AGAP1: variants seen among roughly 807,000 people sequenced by gnomAD.
AGAP1 encodes the protein ArfGAP with GTPase domain, ankyrin repeat and PH domain 1.
In AGAP1, 29 loss-of-function variants were observed where a neutral mutation model predicts 105.3. The ratio of observed to expected loss-of-function variants is 0.28; its 90% CI spans 0.21 to 0.38. AGAP1 has a LOEUF of 0.38. Ranked by LOEUF, AGAP1 falls within the 10% of genes least tolerant of loss-of-function variation. AGAP1 has a pLI of 1.00. For missense variants in AGAP1, 998 were observed against 1,165.1 expected (o/e 0.86, Z 2.09); for synonymous variants, 509 against 485.9 (o/e 1.05, Z -0.63).
At chr2:235,572,982 CTTCTT>C in intron 1 of AGAP1, among the ~76,000 whole-genome samples, 1 of 27,048 alleles carries the variant, frequency 3.7e-5, no homozygotes, top group Admixed American at 3.2e-4. Context: ...CTTTTTTCTT[CTTCTT>C]CTTCTTCTTC....
chr2:235,825,007 A>ATTG lies in AGAP1; in HGVS notation c.1050+17678_1050+17679insGTT, dbSNP rs201802066. 2.9e-3 allele frequency among the ~76,000 whole-genome samples: 438 copies of ATTG among 152,290 alleles called. 1 individual carries two copies. Among genetic ancestry groups the ATTG allele is most frequent in the East Asian group, 0.02 (102 of 5,186 alleles). ...ACTTGATTTATGGAAGCTTTTTCTT[A>ATTG]TTTGCAATTCAGCAAGAATAACCAT... On this transcript the variant is annotated intron_variant, in intron 9 of 17. Transcript: ENST00000304032.
chr2:235,627,247 C>T (rs926305877), intron 1 of AGAP1, among the ~76,000 whole-genome samples: 2 of 127,258 alleles, frequency 1.6e-5, no homozygotes, highest in Non-Finnish European at 1.5e-5. Context: ...GGCTGGAGTG[C>T]AGTGGCGCGA....
At chr2:235,852,799 G>T (rs771483210) in intron 9 of AGAP1, 10 of 1,528,748 alleles carry the variant, frequency 6.5e-6, no homozygotes, top group South Asian at 2.5e-5. Context: ...AGACCAGCCC[G>T]CATTGTGCTG....
Position 235,983,443 on chromosome 2 carries a change from C to T in AGAP1, c.1645+14820C>T, listed in dbSNP as rs2055179709. ...TTCTCCTTTTTCCTGTAAGACTGTC[C>T]TTGCTTCTCTTGTTTAATTTCTTTT... On this transcript the variant is annotated intron_variant, in intron 13 of 17. Transcript: ENST00000304032. This position sits in a 1 kb window ranked among gnomAD's most constrained non-coding sequence, Gnocchi z 4.5. Among the ~76,000 whole-genome samples the T allele has an allele frequency of 6.6e-6, 1 of 152,072 alleles. No homozygotes were observed. Among genetic ancestry groups the T allele is most frequent in the Non-Finnish European group, 1.5e-5 (1 of 68,016 alleles).
At chr2:235,591,901 C>T (rs955310723) in intron 1 of AGAP1, among the ~76,000 whole-genome samples, 16 of 146,886 alleles carry the variant, frequency 1.1e-4, no homozygotes, top group African/African-American at 4.0e-4. Context: ...ATGTGACATG[C>T]CTGCTCCCCC....
intron 2 of AGAP1, 120 bp downstream of exon 2, chr2:235,709,357 G>A: frequency 8.4e-7 from 1 of 1,195,164 alleles, no homozygotes; most frequent in Non-Finnish European, 1.2e-6. Flanking sequence ...GTGACTCTGG[G>A]TGTGTTCCTG....
chr2:236,105,667 C>T lies in AGAP1; in HGVS notation c.2115-14525C>T, dbSNP rs1166530429. Among the ~76,000 whole-genome samples, 2 of 59,028 alleles carry T rather than the reference C, an allele frequency of 3.4e-5. No homozygotes were observed. The highest frequency in any genetic ancestry group is 4.7e-5 in the African/African-American group (1 of 21,464). 38.7% of individuals were successfully genotyped at this position (59,028 alleles called of 152,430 possible). On this transcript the variant is annotated intron_variant, in intron 16 of 17. Coordinates refer to ENST00000304032, the MANE Select transcript of AGAP1 (RefSeq NM_001037131.3). The surrounding 1 kb of genome is among the most constrained non-coding windows in gnomAD (Gnocchi z 4.2). Reference sequence around the variant, plus strand: ...GCCTCCCGGGTTCACACCATTCTCCCGCGTTCACGCCATTCTCCCGCGTTC... The same window carrying T: ...GCCTCCCGGGTTCACACCATTCTCCTGCGTTCACGCCATTCTCCCGCGTTC...
intron 9 of AGAP1, among the ~76,000 whole-genome samples, chr2:235,860,934 C>T (rs191125990): frequency 1.1e-4 from 16 of 152,290 alleles, no homozygotes; most frequent in African/African-American, 3.4e-4. Context: ...TCCCTGTGTA[C>T]GGCCGTCAGC....
chr2:235,757,250 G>A (rs1459098185), intron 6 of AGAP1, among the ~76,000 whole-genome samples: 1 of 152,224 alleles, frequency 6.6e-6, no homozygotes, highest in African/African-American at 2.4e-5. Flanking sequence ...TTCTGTCCTA[G>A]AACAGATCTG....
intron 9 of AGAP1, among the ~76,000 whole-genome samples, chr2:235,826,105 T>C (rs545044165): frequency 6.6e-6 from 1 of 152,270 alleles, no homozygotes; most frequent in South Asian, 2.1e-4. Context: ...CCATGCCCTG[T>C]GATGAAAGAG....
In AGAP1 at chr2:236,040,948, A is replaced by G; in HGVS notation, c.1891+107A>G. On this transcript the variant is annotated intron_variant, in intron 15 of 17. Transcript: ENST00000304032. This position sits in a 1 kb window ranked among gnomAD's most constrained non-coding sequence, Gnocchi z 5.6. ...CTCACATCTGTCCTGTTTGGCAGAT[A>G]AGAGTTAACTGCTTTTAGGAAATTG... 9.3e-7 allele frequency: 1 copy of G among 1,077,302 alleles called. No homozygotes were observed. The highest frequency in any genetic ancestry group is 1.4e-6 in the Non-Finnish European group (1 of 726,458). 66.7% of individuals were successfully genotyped at this position (1,077,302 alleles called of 1,614,324 possible).
chr2:236,022,959 T>C (rs1258833022), intron 13 of AGAP1, among the ~76,000 whole-genome samples: 2 of 152,172 alleles, frequency 1.3e-5, no homozygotes. Flanking sequence ...TTGTCATAAT[T>C]GGGTAAAATA....
intron 1 of AGAP1, among the ~76,000 whole-genome samples, chr2:235,629,863 CAAAAA>C (rs10691632): frequency 2.1e-5 from 2 of 95,676 alleles, no homozygotes; most frequent in East Asian, 3.3e-4. Context: ...GACCCTGTCT[CAAAAA>C]AAAAAAAAAA....
rs150558633 is a variant in AGAP1, at chr2:235,790,775, G to A, written c.674-6984G>A. ...TGTGTGCCCACTGAGTGTCAGGCAG[G>A]CCCTGGCCCCGGGAAGTTAAATACA... On this transcript the variant is annotated intron_variant, in intron 6 of 17. Transcript: ENST00000304032. Among the ~76,000 whole-genome samples, 357 of 152,286 alleles carry A rather than the reference G, an allele frequency of 2.3e-3. 1 individual carries two copies. The highest frequency in any genetic ancestry group is 8.1e-3 in the African/African-American group (336 of 41,548).
At chr2:235,860,189 C>T (rs772206793) in intron 9 of AGAP1, among the ~76,000 whole-genome samples, 11 of 152,134 alleles carry the variant, frequency 7.2e-5, no homozygotes, top group Non-Finnish European at 1.6e-4. Flanking sequence ...AAGGAAAGGG[C>T]ATACCAGAAA....
At chr2:235,798,912 G>A (rs1328721444) in intron 7 of AGAP1, among the ~76,000 whole-genome samples, 2 of 149,210 alleles carry the variant, frequency 1.3e-5, no homozygotes, top group African/African-American at 4.9e-5. Flanking sequence ...TTCACTTGCT[G>A]TGTTTAATTT....
Position 235,879,821 on chromosome 2 carries a change from A to G in AGAP1, c.1051-3524A>G, listed in dbSNP as rs2049920413. Among the ~76,000 whole-genome samples, 1 of 152,118 alleles carries G rather than the reference A, an allele frequency of 6.6e-6. No individual in the cohort carries two copies. The highest frequency in any genetic ancestry group is 2.4e-5 in the African/African-American group (1 of 41,428). On this transcript the variant is annotated intron_variant, in intron 9 of 17. Transcript: ENST00000304032. This position sits in a 1 kb window ranked among gnomAD's most constrained non-coding sequence, Gnocchi z 5.0. ...GTGGCATGTGTGTGTAGTCCTAGCT[A>G]CTCGGAGGAGGCTGGCGCAGGAGAA...
At chr2:235,683,687 TTC>T (rs869120840) in intron 1 of AGAP1, among the ~76,000 whole-genome samples, 5 of 151,284 alleles carry the variant, frequency 3.3e-5, no homozygotes, top group South Asian at 2.1e-4. Flanking sequence ...TGTTTTTTCT[TTC>T]TCTCTCTCTC....
chr2:235,757,935 T>G (rs946995207), intron 6 of AGAP1, among the ~76,000 whole-genome samples: 27 of 152,206 alleles, frequency 1.8e-4, no homozygotes, highest in Non-Finnish European at 5.9e-5. Flanking sequence ...CCTCTTCTCC[T>G]GGGTCCTGCA....
Sources: allele counts gnomAD v4.1 joint callset (sites outside exome capture counted in the v4.1 genomes callset), GRCh38; gene constraint gnomAD v4.1.1; non-coding constraint Gnocchi (gnomAD v3.1); transcripts MANE v1.5; gene names NCBI Gene and HGNC (gene_info 2026-07-23, HGNC 2026-07-21).